Variants in ZBTB8A observed in about 807,000 individuals in gnomAD.
ZBTB8A encodes zinc finger and BTB domain-containing protein 8A.
Under a neutral mutation model 37.8 loss-of-function variants are expected in ZBTB8A, and 19 were observed. The ratio of observed to expected loss-of-function variants is 0.50; its 90% CI spans 0.35 to 0.74. ZBTB8A has a LOEUF of 0.74. Ranked by LOEUF, ZBTB8A falls within the 30% of genes least tolerant of loss-of-function variation. The probability of loss-of-function intolerance (pLI) is 0.01; values close to 1 mark genes in which losing one functional copy is unlikely to be tolerated. For missense variants in ZBTB8A, 394 were observed against 537.8 expected (o/e 0.73, Z 2.65); for synonymous variants, 181 against 185.2 (o/e 0.98, Z 0.19).
At chr1:32,593,843 C>A in intron 3 of ZBTB8A, 89 bp downstream of exon 3, 1 of 1,027,912 alleles carries the variant, frequency 9.7e-7, no homozygotes, top group Non-Finnish European at 1.4e-6. Flanking sequence ...GTTTCAGGTG[C>A]TCTAAGCAGT....
chr1:32,572,471 C>A (rs1293339551), intron 2 of ZBTB8A, among the ~76,000 whole-genome samples: 1 of 151,778 alleles, frequency 6.6e-6, no homozygotes, highest in African/African-American at 2.4e-5. Context: ...TCTCACCTTA[C>A]TGCAACCTCC....
Position 32,576,119 on chromosome 1 carries a change from G to T in ZBTB8A, c.-1-16812G>T, listed in dbSNP as rs555666328. Among the ~76,000 whole-genome samples the T allele has an allele frequency of 5.3e-5, 8 of 152,256 alleles. No individual in the cohort carries two copies. In the South Asian group the frequency reaches 1.7e-3, roughly 32 times the overall value. On this transcript the variant is annotated intron_variant, in intron 2 of 4. Transcript: ENST00000373510. ...GTAAATAAGGTTTTATGGGAACATAGCCATGGTCATTCATTTACATATTTT... is the reference window on the plus strand; with the variant it reads ...GTAAATAAGGTTTTATGGGAACATATCCATGGTCATTCATTTACATATTTT...
rs750217944 is a variant in ZBTB8A at position 32,600,224 on chromosome 1, C to T, written c.1131C>T (p.Leu377=). Residue 377 remains leucine (L), a synonymous_variant, in exon 5 of 5, where the codon CTC becomes CTT. Transcript: ENST00000373510. Reference sequence around the variant, plus strand: ...TTGCAGAATTTGGCATAGACAGCCTCCCCATTGACTTGGAAGCTGAACAAC... The same window carrying T: ...TTGCAGAATTTGGCATAGACAGCCTTCCCATTGACTTGGAAGCTGAACAAC... ...ECLAEFGIDS[L]PIDLEAEQHL... is the part of the protein sequence containing the mutation. The T allele has an allele frequency of 1.2e-6, 2 of 1,614,096 alleles. No individual in the cohort carries two copies. Among genetic ancestry groups the T allele is most frequent in the East Asian group, 2.2e-5 (1 of 44,880 alleles).
intron 2 of ZBTB8A, among the ~76,000 whole-genome samples, chr1:32,567,694 A>G (rs891160309): frequency 3.5e-5 from 5 of 142,374 alleles, no homozygotes; most frequent in Non-Finnish European, 7.6e-5. Flanking sequence ...CGGGAGGCTG[A>G]GGCAGGAGAA....
intron 2 of ZBTB8A, among the ~76,000 whole-genome samples, chr1:32,579,069 A>G (rs1365142119): frequency 6.6e-6 from 1 of 152,124 alleles, no homozygotes; most frequent in African/African-American, 2.4e-5. Flanking sequence ...GGTTAGTCGT[A>G]CTACTAAGAT....
intron 2 of ZBTB8A, among the ~76,000 whole-genome samples, chr1:32,562,461 G>C (rs1644250831): frequency 6.6e-6 from 1 of 151,600 alleles, no homozygotes; most frequent in Admixed American, 6.6e-5. Context: ...AGTAGAGATG[G>C]GGTTTCTCCA....
At position 32,589,674 on chromosome 1, in the gene ZBTB8A, C is replaced by T. The variant is rs535410741; in HGVS notation, c.-1-3257C>T. Reference sequence around the variant, plus strand: ...AAGCAATTCTCCTACCTCAGCCTCCCGAGTAGCTGGGATTACAGGTAGGCA... The same window carrying T: ...AAGCAATTCTCCTACCTCAGCCTCCTGAGTAGCTGGGATTACAGGTAGGCA... On this transcript the variant is annotated intron_variant, in intron 2 of 4. Transcript: ENST00000373510. Among the ~76,000 whole-genome samples the T allele has an allele frequency of 3.9e-5, 6 of 152,028 alleles. No individual in the cohort carries two copies. In the South Asian group the frequency reaches 1.2e-3, roughly 32 times the overall value.
chr1:32,545,425 CAG>C (rs1644095320), intron 1 of ZBTB8A, among the ~76,000 whole-genome samples: 1 of 152,146 alleles, frequency 6.6e-6, no homozygotes. Flanking sequence ...ATCCTCTTAA[CAG>C]ACTTCCTTAG....
chr1:32,555,989 GCCTCAA>G (rs1012894470), intron 2 of ZBTB8A, among the ~76,000 whole-genome samples: 1 of 151,406 alleles, frequency 6.6e-6, no homozygotes, highest in Non-Finnish European at 1.5e-5. Flanking sequence ...GCTCACTGCA[GCCTCAA>G]CCTCCTGGGC....
intron 2 of ZBTB8A, among the ~76,000 whole-genome samples, chr1:32,583,691 G>C (rs1644424582): frequency 6.6e-6 from 1 of 152,104 alleles, no homozygotes; most frequent in Non-Finnish European, 1.5e-5. Context: ...CCTTAATCCA[G>C]TATCACTGGT....
rs528073093 is a variant in ZBTB8A, at chr1:32,604,797, A to G, written c.*4378A>G. On this transcript the variant is annotated 3_prime_UTR_variant, in exon 5 of 5. Coordinates refer to ENST00000373510, the MANE Select transcript of ZBTB8A (RefSeq NM_001040441.3). ...ATTTCCACTCATATTGGTTTTTAAA[A>G]TTTTTTTTAGTCCTAAAATTAATAA... is the stretch of plus-strand genomic sequence containing the variant. The G allele has an allele frequency of 6.6e-6, 1 of 152,068 alleles. No homozygotes were observed. Among genetic ancestry groups the G allele is most frequent in the South Asian group, 2.1e-4 (1 of 4,816 alleles). The allele number at this position is 152,068 out of a possible 1,614,324, so 9.4% of individuals were successfully genotyped here. A position where few individuals can be genotyped will look rare whatever the true frequency, so the allele number is the denominator to read the frequency against.
rs200737625 is a variant in ZBTB8A at position 32,593,596 on chromosome 1, C to G, written c.665C>G (p.Thr222Ser). 211 of 1,614,096 alleles carry G rather than the reference C, an allele frequency of 1.3e-4. No individual in the cohort carries two copies. Among genetic ancestry groups the G allele is most frequent in the Non-Finnish European group, 1.7e-4 (199 of 1,180,054 alleles). Residue 222 changes from threonine (T) to serine (S), a missense_variant, in exon 3 of 5, where the codon ACT (threonine) becomes AGT (serine). Around this residue, in one of 4 missense-constraint regions of ZBTB8A, gnomAD observed 171 missense variants for 186.8 expected, o/e 0.92. Transcript: ENST00000373510. The part of the protein sequence containing the change: ...HLRLSQPSEV[T>S]HYKSSKREVR... ...AGATTGTCACAGCCTTCTGAAGTTA[C>G]TCATTATAAGTCAAGCAAACGAGAA...
Position 32,593,766 on chromosome 1 carries a change from G to T in ZBTB8A, c.823+12G>T, listed in dbSNP as rs762964887. 4 of 1,596,154 alleles carry T rather than the reference G, an allele frequency of 2.5e-6. No homozygotes were observed. In the African/African-American group the frequency reaches 5.4e-5, roughly 21 times the overall value. On this transcript the variant is annotated intron_variant, in intron 3 of 4. Transcript: ENST00000373510. ...CAAAAGCTTTCCAGGTACCCAAAAA[G>T]AGCATAAGTCCCCTCATCCAGGTTC...
chr1:32,564,738 C>T (rs1644266530), intron 2 of ZBTB8A, among the ~76,000 whole-genome samples: 1 of 151,486 alleles, frequency 6.6e-6, no homozygotes, highest in Admixed American at 6.6e-5. Context: ...AACCCAACAA[C>T]TTATGCTGGC....
At chr1:32,553,850 C>T (rs1447204820) in intron 2 of ZBTB8A, among the ~76,000 whole-genome samples, 5 of 144,240 alleles carry the variant, frequency 3.5e-5, no homozygotes, top group Non-Finnish European at 7.5e-5. Flanking sequence ...GGCACCATTG[C>T]ACTCCAGCCT....
At chr1:32,544,556 G>A (rs920671094) in intron 1 of ZBTB8A, among the ~76,000 whole-genome samples, 1 of 152,230 alleles carries the variant, frequency 6.6e-6, no homozygotes, top group African/African-American at 2.4e-5. Context: ...AATTAGCCAG[G>A]CATGGCGGTG....
At chr1:32,552,917 T>A (rs186081914) in intron 1 of ZBTB8A, among the ~76,000 whole-genome samples, 3,764 of 147,620 alleles carry the variant, frequency 0.025, 53 homozygotes, top group Non-Finnish European at 0.031. Context: ...TTTTAAATCA[T>A]ATATTACATA....
At chr1:32,561,522 G>A (rs1056019232) in intron 2 of ZBTB8A, among the ~76,000 whole-genome samples, 2 of 152,164 alleles carry the variant, frequency 1.3e-5, no homozygotes, top group African/African-American at 4.8e-5. Flanking sequence ...CTCTGCTTCT[G>A]TCTTCACGTG....
At chr1:32,559,204 C>T (rs922854546) in intron 2 of ZBTB8A, among the ~76,000 whole-genome samples, 1 of 151,928 alleles carries the variant, frequency 6.6e-6, no homozygotes, top group Non-Finnish European at 1.5e-5. Context: ...CTCTGCTTCC[C>T]GGGTTCAAGC....
Sources: allele counts gnomAD v4.1 joint callset (sites outside exome capture counted in the v4.1 genomes callset), GRCh38; gene constraint gnomAD v4.1.1; regional missense constraint gnomAD v4.1.1; transcripts MANE v1.5; gene names NCBI Gene and HGNC (gene_info 2026-07-23, HGNC 2026-07-21).